Variants in MAF observed in about 807,000 individuals in gnomAD.
MAF encodes transcription factor Maf.
In MAF, 10 loss-of-function variants were observed where a neutral mutation model predicts 22.0. The observed-to-expected ratio is 0.45, with a 90% CI of 0.28 to 0.77. MAF has a LOEUF of 0.77. Ranked by LOEUF, MAF falls within the 30% of genes least tolerant of loss-of-function variation. The pLI is 0.12. For synonymous variants in MAF, 337 were observed against 255.8 expected (o/e 1.32, Z -3.03); for missense variants, 544 against 548.4 (o/e 0.99, Z 0.08).
chr16:79,207,901 T>G, the MAF span, among the ~76,000 whole-genome samples: 1 of 152,198 alleles, frequency 6.6e-6, no homozygotes, highest in African/African-American at 2.4e-5. Context: ...TGGCTAGCAG[T>G]TATCAAATGA....
At chr16:79,511,998 G>T in the MAF span, among the ~76,000 whole-genome samples, 4 of 152,172 alleles carry the variant, frequency 2.6e-5, no homozygotes, top group African/African-American at 9.7e-5. Context: ...GTTGAGAAGT[G>T]ATCTCTCTAA....
chr16:79,550,260 G>A, the MAF span, among the ~76,000 whole-genome samples: 3 of 152,040 alleles, frequency 2.0e-5, no homozygotes, highest in Non-Finnish European at 4.4e-5. Flanking sequence ...AGAAAAGGGA[G>A]GAAAAGAGAG....
chr16:79,585,733 A>G, downstream of MAF: 1 of 566,286 alleles, frequency 1.8e-6, no homozygotes, highest in East Asian at 2.9e-5. Context: ...CCCAAATACT[A>G]AAACTAATGA....
the MAF span, among the ~76,000 whole-genome samples, chr16:79,521,777 C>A: frequency 6.6e-6 from 1 of 152,148 alleles, no homozygotes; most frequent in Non-Finnish European, 1.5e-5. Flanking sequence ...CAAACAGTTA[C>A]TGAATAAATT....
chr16:79,362,746 A>G, the MAF span, among the ~76,000 whole-genome samples: 15 of 152,338 alleles, frequency 9.8e-5, no homozygotes, highest in African/African-American at 3.6e-4. Context: ...TGAAACTCCA[A>G]GTTGCAGATG....
the MAF span, among the ~76,000 whole-genome samples, chr16:79,226,525 T>TA: frequency 2.0e-5 from 3 of 151,924 alleles, no homozygotes; most frequent in Admixed American, 1.3e-4. Context: ...TTAAAGTATA[T>TA]AAAAAAATTT....
the MAF span, among the ~76,000 whole-genome samples, chr16:79,547,385 C>T: frequency 1.3e-5 from 2 of 152,206 alleles, no homozygotes; most frequent in East Asian, 1.9e-4. Context: ...AACCTGTACA[C>T]ACACATTCAC....
At chr16:79,560,469 T>C in the MAF span, among the ~76,000 whole-genome samples, 1 of 151,624 alleles carries the variant, frequency 6.6e-6, no homozygotes, top group East Asian at 1.9e-4. Flanking sequence ...CTGTATGCAA[T>C]TGTGGAAGCT....
At chr16:79,568,280 C>T in the MAF span, among the ~76,000 whole-genome samples, 2 of 152,140 alleles carry the variant, frequency 1.3e-5, no homozygotes, top group African/African-American at 4.8e-5. Flanking sequence ...CCTAATGGTC[C>T]CTGGTGTCTT....
the MAF span, among the ~76,000 whole-genome samples, chr16:79,536,240 C>T: frequency 6.6e-6 from 1 of 152,228 alleles, no homozygotes; most frequent in Non-Finnish European, 1.5e-5. Context: ...GAATTCACTG[C>T]AAATTTCTGC....
the MAF span, among the ~76,000 whole-genome samples, chr16:79,526,672 A>C: frequency 1.3e-5 from 2 of 152,168 alleles, no homozygotes; most frequent in Non-Finnish European, 2.9e-5. Context: ...CAACAACAAC[A>C]AAAAACAAAA....
At chr16:79,341,335 G>C in the MAF span, among the ~76,000 whole-genome samples, 1 of 152,190 alleles carries the variant, frequency 6.6e-6, no homozygotes, top group Non-Finnish European at 1.5e-5. Flanking sequence ...AGAATTAAAT[G>C]AGCTCATGCT....
the MAF span, among the ~76,000 whole-genome samples, chr16:79,571,277 C>T: frequency 6.6e-6 from 1 of 152,066 alleles, no homozygotes; most frequent in Non-Finnish European, 1.5e-5. Context: ...AGAATCAGCT[C>T]CACCCTCAGT....
the MAF span, among the ~76,000 whole-genome samples, chr16:79,228,050 C>T: frequency 2.6e-5 from 4 of 152,110 alleles, no homozygotes; most frequent in African/African-American, 7.2e-5. Context: ...ACTATAGGCA[C>T]GCACCACCAC....
chr16:79,384,501 T>C, the MAF span, among the ~76,000 whole-genome samples: 1 of 148,318 alleles, frequency 6.7e-6, no homozygotes, highest in Non-Finnish European at 1.5e-5. Context: ...CTCACGCCTG[T>C]AATCCCAGCA....
the MAF span, among the ~76,000 whole-genome samples, chr16:79,397,445 A>G: frequency 1.1e-4 from 16 of 152,138 alleles, no homozygotes. Context: ...TACTGCTCAT[A>G]TTTTTTTCAT....
chr16:79,247,463 C>T, the MAF span, among the ~76,000 whole-genome samples: 53 of 152,276 alleles, frequency 3.5e-4, 1 homozygote, highest in African/African-American at 1.1e-3. Context: ...ACCAGCTCAC[C>T]CAGTTGAATC....
the MAF span, among the ~76,000 whole-genome samples, chr16:79,435,929 G>A: frequency 6.6e-6 from 1 of 152,258 alleles, no homozygotes; most frequent in East Asian, 1.9e-4. Flanking sequence ...CTGCTCTTTG[G>A]AAAATTCATT....
chr16:79,309,985 G>A, the MAF span, among the ~76,000 whole-genome samples: 1 of 152,146 alleles, frequency 6.6e-6, no homozygotes, highest in Non-Finnish European at 1.5e-5. Flanking sequence ...CTTACACCGT[G>A]GCTTAAAGGG....
Sources: gnomAD v4.1 joint callset for allele counts (sites outside exome capture counted in the v4.1 genomes callset) on GRCh38, gnomAD v4.1.1 for gene constraint, MANE v1.5 for transcripts, NCBI Gene and HGNC (gene_info 2026-07-23, HGNC 2026-07-21) for gene names.